DCDC2: variants seen among roughly 807,000 people sequenced by gnomAD.
DCDC2 encodes the protein doublecortin domain containing 2, also known as doublecortin domain-containing protein 2.
A neutral mutation model predicts 50.2 loss-of-function variants in DCDC2; 40 were observed. The observed-to-expected ratio is 0.80, with a 90% confidence interval of 0.62 to 1.04. DCDC2 has a LOEUF of 1.04. DCDC2 is among the 50% of genes least tolerant of loss of function. The pLI, the probability that DCDC2 is intolerant of heterozygous loss-of-function variation, is 0.00. For missense variants in DCDC2, 570 were observed against 581.9 expected, an observed-to-expected ratio of 0.98 and a Z score of 0.21; for synonymous variants, 234 against 210.6, an observed-to-expected ratio of 1.11 and a Z score of -0.96.
Position 24,198,475 on chromosome 6 carries a change from G to A in DCDC2, c.1023+6527C>T, listed in dbSNP as rs371023561. Among the ~76,000 whole-genome samples the A allele has an allele frequency of 1.0e-3, 154 of 152,302 alleles. No individual in the cohort carries two copies. In the South Asian group the frequency reaches 0.027, roughly 27 times the overall value. On this transcript the variant is annotated intron_variant, in intron 8 of 9. Coordinates refer to ENST00000378454, the MANE Select transcript of DCDC2 (RefSeq NM_016356.5). ...CACGAGGAATGGTGCATTCCAGCCC[G>A]GATGCTACATTTTCCCCACAGTCTT...
At chr6:24,221,164 G>A (rs1029727311) in intron 7 of DCDC2, among the ~76,000 whole-genome samples, 1 of 152,084 alleles carries the variant, frequency 6.6e-6, no homozygotes, top group African/African-American at 2.4e-5. Context: ...ACTTAAGAGG[G>A]CACCTTGATT....
chr6:24,260,308 G>A (rs1258610561), intron 7 of DCDC2, among the ~76,000 whole-genome samples: 1 of 152,094 alleles, frequency 6.6e-6, no homozygotes, highest in African/African-American at 2.4e-5. Context: ...CTCATTTCTG[G>A]TACTAAAGTT....
chr6:24,224,601 C>T (rs980319768), intron 7 of DCDC2, among the ~76,000 whole-genome samples: 6 of 152,092 alleles, frequency 3.9e-5, no homozygotes, highest in African/African-American at 1.4e-4. Flanking sequence ...TGGCAGAAGC[C>T]GGAAGGTAAA....
At chr6:24,215,870 T>C (rs1761961956) in intron 7 of DCDC2, among the ~76,000 whole-genome samples, 1 of 152,092 alleles carries the variant, frequency 6.6e-6, no homozygotes, top group Admixed American at 6.5e-5. Context: ...CAAGAGACAT[T>C]GAATACTTGT....
chr6:24,291,880 T>C (rs907527433), intron 4 of DCDC2, among the ~76,000 whole-genome samples: 2 of 152,174 alleles, frequency 1.3e-5, no homozygotes, highest in African/African-American at 4.8e-5. Flanking sequence ...AACCAAAATA[T>C]TACATACAAA....
chr6:24,335,469 G>A (rs4412188), intron 2 of DCDC2, among the ~76,000 whole-genome samples: 47,297 of 152,038 alleles, frequency 0.31, 8,974 homozygotes, highest in African/African-American at 0.54. Flanking sequence ...ATCTGAATGC[G>A]TTTTCTATTT....
At chr6:24,195,600 TTTG>T (rs1761415472) in intron 8 of DCDC2, among the ~76,000 whole-genome samples, 1 of 152,176 alleles carries the variant, frequency 6.6e-6, no homozygotes, top group African/African-American at 2.4e-5. Context: ...TGCAGAATTT[TTTG>T]TTGTGAAGAC....
intron 8 of DCDC2, among the ~76,000 whole-genome samples, chr6:24,202,402 T>C (rs1466940726): frequency 1.3e-5 from 2 of 152,194 alleles, no homozygotes; most frequent in Admixed American, 1.3e-4. Flanking sequence ...TCTCAATAGA[T>C]GCAGAAAAGG....
At chr6:24,247,515 A>G (rs1296559977) in intron 7 of DCDC2, among the ~76,000 whole-genome samples, 5 of 152,164 alleles carry the variant, frequency 3.3e-5, no homozygotes, top group African/African-American at 9.7e-5. Context: ...GAGATGGAGT[A>G]CACTGAAGAT....
At chr6:24,294,506 T>G (rs1340344894) in intron 4 of DCDC2, among the ~76,000 whole-genome samples, 2 of 151,710 alleles carry the variant, frequency 1.3e-5, no homozygotes, top group Non-Finnish European at 2.9e-5. Context: ...CATGAAAAAC[T>G]ATTCAAAAGA....
At chr6:24,318,207 T>G (rs1009128560) in intron 2 of DCDC2, among the ~76,000 whole-genome samples, 2 of 152,100 alleles carry the variant, frequency 1.3e-5, no homozygotes, top group Admixed American at 6.6e-5. Flanking sequence ...ACAGTTTTAT[T>G]CATTGTAGTA....
chr6:24,270,777 G>A (rs1348223904), intron 7 of DCDC2, among the ~76,000 whole-genome samples: 1 of 152,130 alleles, frequency 6.6e-6, no homozygotes, highest in African/African-American at 2.4e-5. Context: ...AAGCCCCCAT[G>A]TGGCCCTTCC....
chr6:24,308,432 C>A (rs1759512618), intron 2 of DCDC2, among the ~76,000 whole-genome samples: 1 of 152,132 alleles, frequency 6.6e-6, no homozygotes, highest in Non-Finnish European at 1.5e-5. Flanking sequence ...TCCCTAGCAG[C>A]CCAATAGAAG....
the DCDC2 span, among the ~76,000 whole-genome samples, chr6:24,370,652 G>A: frequency 6.6e-6 from 1 of 152,186 alleles, no homozygotes; most frequent in Non-Finnish European, 1.5e-5. Context: ...CAAGGCTGTA[G>A]CAAGCTGTTT....
At position 24,260,208 on chromosome 6, in the gene DCDC2, G is replaced by A. The variant is rs538398492; in HGVS notation, c.922+17841C>T. On this transcript the variant is annotated intron_variant, in intron 7 of 9. Coordinates refer to ENST00000378454, the MANE Select transcript of DCDC2 (RefSeq NM_016356.5). Reference sequence around the variant, plus strand: ...CAGAGTGGCAACTGAGTCTTGGGAGGGGGAGGACACAAAGCTATAAGGGAC... The same window carrying A: ...CAGAGTGGCAACTGAGTCTTGGGAGAGGGAGGACACAAAGCTATAAGGGAC... Among the ~76,000 whole-genome samples the A allele has an allele frequency of 3.3e-5, 5 of 152,160 alleles. No individual in the cohort carries two copies. The East Asian group carries it at 9.7e-4, about 29-fold the overall frequency.
intron 7 of DCDC2, among the ~76,000 whole-genome samples, chr6:24,246,518 G>A (rs545147871): frequency 3.1e-4 from 33 of 106,168 alleles, no homozygotes; most frequent in South Asian, 9.6e-4. Context: ...ATGGAGTCTC[G>A]CTCTGTCACC....
upstream of DCDC2, chr6:24,358,278 T>A (rs930822345): frequency 5.1e-6 from 1 of 197,724 alleles, no homozygotes; most frequent in Non-Finnish European, 1.1e-5. Context: ...AGCAATTAAG[T>A]TCCTGGATGT....
chr6:24,283,555 C>T (rs1763525026), intron 6 of DCDC2, among the ~76,000 whole-genome samples: 1 of 152,150 alleles, frequency 6.6e-6, no homozygotes, highest in South Asian at 2.1e-4. Flanking sequence ...TCTGTGTCCC[C>T]TTTGATTTGC....
chr6:24,379,875 TTCA>T, the DCDC2 span, among the ~76,000 whole-genome samples: 1 of 152,032 alleles, frequency 6.6e-6, no homozygotes, highest in Non-Finnish European at 1.5e-5. Flanking sequence ...AAATGATGAG[TTCA>T]TGTCCTTTGC....
Sources: gnomAD v4.1 joint callset for allele counts (sites outside exome capture counted in the v4.1 genomes callset) on GRCh38, gnomAD v4.1.1 for gene constraint, MANE v1.5 for transcripts, NCBI Gene and HGNC (gene_info 2026-07-23, HGNC 2026-07-21) for gene names.